ERC1: variants seen among roughly 807,000 people sequenced by gnomAD.
ERC1 encodes ELKS/RAB6-interacting/CAST family member 1.
ERC1 carries 56 observed loss-of-function variants against 132.0 expected under a neutral mutation model. The ratio of observed to expected loss-of-function variants is 0.42; its 90% CI spans 0.34 to 0.53. ERC1 has a LOEUF of 0.53. Among genes scored for constraint, ERC1 ranks in the 20% least tolerant of loss-of-function variants. ERC1 has a pLI of 0.03. For missense variants in ERC1, 1,202 were observed against 1,349.9 expected, an observed-to-expected ratio of 0.89 and a Z score of 1.72; for synonymous variants, 478 against 476.1, an observed-to-expected ratio of 1.00 and a Z score of -0.05.
At chr12:1,336,367 C>G (rs935633483) in intron 15 of ERC1, among the ~76,000 whole-genome samples, 1 of 152,044 alleles carries the variant, frequency 6.6e-6, no homozygotes, top group Non-Finnish European at 1.5e-5. Flanking sequence ...ATCTTTCTAA[C>G]TCTTTGATGT....
intron 17 of ERC1, among the ~76,000 whole-genome samples, chr12:1,442,331 T>C (rs1246874987): frequency 6.6e-6 from 1 of 152,232 alleles, no homozygotes; most frequent in Non-Finnish European, 1.5e-5. Flanking sequence ...CTCTACTTGA[T>C]TGAAACACTG....
chr12:1,246,539 G>A (rs980777607), intron 13 of ERC1, among the ~76,000 whole-genome samples: 2 of 152,194 alleles, frequency 1.3e-5, no homozygotes, highest in African/African-American at 4.8e-5. Context: ...AAGTTAGTGT[G>A]TGAAAGTTTG....
intron 17 of ERC1, among the ~76,000 whole-genome samples, chr12:1,441,166 C>T (rs1184360004): frequency 6.6e-6 from 1 of 151,922 alleles, no homozygotes; most frequent in Non-Finnish European, 1.5e-5. Flanking sequence ...TCAAGCAATT[C>T]TCCTGCCCCA....
intron 15 of ERC1, among the ~76,000 whole-genome samples, chr12:1,316,084 T>G (rs1010963302): frequency 1.1e-4 from 16 of 152,120 alleles, no homozygotes; most frequent in African/African-American, 3.9e-4. Flanking sequence ...GAAATGGGGT[T>G]TCACCGTGTT....
intron 15 of ERC1, among the ~76,000 whole-genome samples, chr12:1,315,064 A>C (rs2081589111): frequency 6.6e-6 from 1 of 151,996 alleles, no homozygotes; most frequent in Non-Finnish European, 1.5e-5. Flanking sequence ...TTATTTATTT[A>C]TTGAGAATGG....
Position 1,495,020 on chromosome 12 carries a change from C to T in ERC1, c.*4790C>T, listed in dbSNP as rs962181418. On this transcript the variant is annotated 3_prime_UTR_variant, in exon 19 of 19. Transcript: ENST00000360905. The stretch of plus-strand genomic sequence containing the variant: ...AACGAGAATCTGGGGCTCAGAGCCT[C>T]GCAGTTGTGCCAGGATTTTCCTATA... 5 of 229,174 alleles carry T rather than the reference C, an allele frequency of 2.2e-5. No homozygotes were observed. The highest frequency in any genetic ancestry group is 5.7e-5 in the Admixed American group (1 of 17,608). 14.2% of individuals were successfully genotyped at this position (229,174 alleles called of 1,614,324 possible).
At chr12:1,219,942 C>G (rs1448217417) in intron 12 of ERC1, among the ~76,000 whole-genome samples, 1 of 152,210 alleles carries the variant, frequency 6.6e-6, no homozygotes, top group Non-Finnish European at 1.5e-5. Flanking sequence ...CCATCATACA[C>G]AGTGAAACCC....
At chr12:1,175,127 G>A (rs969906788) in intron 8 of ERC1, among the ~76,000 whole-genome samples, 15 of 152,164 alleles carry the variant, frequency 9.9e-5, no homozygotes, top group African/African-American at 2.2e-4. Flanking sequence ...TCAGCAACTC[G>A]TAATATTCTT....
intron 12 of ERC1, among the ~76,000 whole-genome samples, chr12:1,208,700 C>G (rs940085473): frequency 6.6e-6 from 1 of 152,114 alleles, no homozygotes; most frequent in East Asian, 1.9e-4. Flanking sequence ...GTTGTGTCTT[C>G]TTTTGATTAT....
At chr12:1,287,259 G>T (rs1274174839) in intron 14 of ERC1, among the ~76,000 whole-genome samples, 1 of 152,218 alleles carries the variant, frequency 6.6e-6, no homozygotes, top group Non-Finnish European at 1.5e-5. Context: ...ATTCCAGATG[G>T]ATTAAGGACT....
chr12:1,138,460 A>G (rs1000851158), intron 7 of ERC1, among the ~76,000 whole-genome samples: 6 of 148,990 alleles, frequency 4.0e-5, no homozygotes, highest in South Asian at 2.1e-4. Context: ...ATTAAGTTCT[A>G]TAAGTAGAAA....
chr12:1,488,140 GAAAAA>G lies in ERC1; in HGVS notation c.3214-1935_3214-1931del, dbSNP rs34258622. 3.3e-3 allele frequency among the ~76,000 whole-genome samples: 223 copies of G among 68,164 alleles called. 1 individual carries two copies. Among genetic ancestry groups the G allele is most frequent in the Non-Finnish European group, 5.0e-3 (153 of 30,422 alleles). 44.7% of individuals were successfully genotyped at this position (68,164 alleles called of 152,430 possible). Reference sequence around the variant, plus strand: ...GTGACAGAGCGAGACTCACGTCTCAGAAAAAAAAAAAAAAAAAAAAAAGATAGATG... The same window carrying G: ...GTGACAGAGCGAGACTCACGTCTCAGAAAAAAAAAAAAAAAAAGATAGATG... On this transcript the variant is annotated intron_variant, in intron 18 of 18. Coordinates refer to ENST00000360905, the MANE Select transcript of ERC1 (RefSeq NM_178040.4).
intron 17 of ERC1, among the ~76,000 whole-genome samples, chr12:1,426,712 T>G (rs181282146): frequency 1.6e-4 from 25 of 152,294 alleles, no homozygotes; most frequent in Admixed American, 3.3e-4. Flanking sequence ...GAAAGCTCTG[T>G]CAACATTATC....
intron 17 of ERC1, among the ~76,000 whole-genome samples, chr12:1,426,854 A>C (rs1355893237): frequency 6.6e-6 from 1 of 152,028 alleles, no homozygotes. Context: ...ACTGGGCCAC[A>C]TTCCATCTTC....
intron 3 of ERC1, among the ~76,000 whole-genome samples, chr12:1,097,155 A>C (rs1021006666): frequency 6.6e-6 from 1 of 152,010 alleles, no homozygotes; most frequent in Non-Finnish European, 1.5e-5. Context: ...CAATTCCATC[A>C]TCTTTGTAAT....
At chr12:1,027,570 C>G (rs571735249) in intron 1 of ERC1, 178 bp from the exon 2 acceptor site, 65 of 237,182 alleles carry the variant, frequency 2.7e-4, no homozygotes, top group African/African-American at 1.4e-3. Context: ...TTTGAGACAT[C>G]TAAAATATCT....
chr12:1,213,079 G>A (rs1169676945), intron 12 of ERC1, among the ~76,000 whole-genome samples: 2 of 152,274 alleles, frequency 1.3e-5, no homozygotes, highest in Admixed American at 6.5e-5. Flanking sequence ...TCTGCCCTTT[G>A]TGAGGTTAGT....
chr12:1,342,669 C>T (rs1000548013), intron 15 of ERC1, among the ~76,000 whole-genome samples: 160 of 152,024 alleles, frequency 1.1e-3, no homozygotes, highest in Admixed American at 3.9e-4. Context: ...GAGAGCGTTG[C>T]GCGTATTCTT....
intron 15 of ERC1, among the ~76,000 whole-genome samples, chr12:1,310,582 A>T (rs2081238622): frequency 6.6e-6 from 1 of 152,222 alleles, no homozygotes; most frequent in Admixed American, 6.5e-5. Flanking sequence ...AGGCTAAAAC[A>T]TTTGGGAAAT....
Sources: gnomAD v4.1 joint callset for allele counts (sites outside exome capture counted in the v4.1 genomes callset) on GRCh38, gnomAD v4.1.1 for gene constraint, MANE v1.5 for transcripts, NCBI Gene and HGNC (gene_info 2026-07-23, HGNC 2026-07-21) for gene names.